GRB10: variants seen among roughly 807,000 people sequenced by gnomAD.
GRB10 encodes growth factor receptor bound protein 10, also known as growth factor receptor-bound protein 10.
In GRB10, 20 loss-of-function variants were observed where a neutral mutation model predicts 80.9. That is an observed-to-expected ratio of 0.25 (90% CI 0.17 to 0.36). The LOEUF (loss-of-function observed/expected upper bound fraction) is 0.36. GRB10 is among the 10% of genes least tolerant of loss of function. The pLI is 1.00. For synonymous variants in GRB10, 291 were observed against 291.5 expected, an observed-to-expected ratio of 1.00 and a Z score of 0.02; for missense variants, 548 against 747.7, an observed-to-expected ratio of 0.73 and a Z score of 3.12.
chr7:50,716,286 C>T (rs1001891162), intron 4 of GRB10, among the ~76,000 whole-genome samples: 1 of 152,150 alleles, frequency 6.6e-6, no homozygotes, highest in Non-Finnish European at 1.5e-5. Flanking sequence ...TGACTCTGGG[C>T]CCAGCTAACA....
At chr7:50,594,212 G>C (rs917623067) in intron 18 of GRB10, among the ~76,000 whole-genome samples, 1 of 152,268 alleles carries the variant, frequency 6.6e-6, no homozygotes, top group Non-Finnish European at 1.5e-5. Context: ...ACCCCAGTGC[G>C]GTGCAGGAAA....
upstream of GRB10, among the ~76,000 whole-genome samples, chr7:50,786,651 G>A (rs570563252): frequency 5.9e-5 from 9 of 152,312 alleles, no homozygotes; most frequent in African/African-American, 9.6e-5. Flanking sequence ...CAGACAAACC[G>A]TAAACTGTGA....
chr7:50,713,250 C>T (rs1035636964), intron 4 of GRB10, among the ~76,000 whole-genome samples: 1 of 152,086 alleles, frequency 6.6e-6, no homozygotes, highest in Non-Finnish European at 1.5e-5. Flanking sequence ...ATTTTTACTA[C>T]TGCCACTACT....
chr7:50,753,106 T>G (rs2074424105), intron 3 of GRB10, among the ~76,000 whole-genome samples: 1 of 152,174 alleles, frequency 6.6e-6, no homozygotes, highest in Non-Finnish European at 1.5e-5. Context: ...CCAAGTCTAG[T>G]GCCATGGCCC....
chr7:50,756,396 A>G (rs2075093811), intron 2 of GRB10, among the ~76,000 whole-genome samples: 1 of 152,216 alleles, frequency 6.6e-6, no homozygotes, highest in Non-Finnish European at 1.5e-5. Context: ...AAAGTTACCT[A>G]GAATTCACTT....
chr7:50,744,880 T>C (rs920958491), intron 3 of GRB10, among the ~76,000 whole-genome samples: 5 of 152,260 alleles, frequency 3.3e-5, no homozygotes, highest in Non-Finnish European at 5.9e-5. Flanking sequence ...GTTAATTCTA[T>C]GCAGTGATGA....
intron 17 of GRB10, among the ~76,000 whole-genome samples, chr7:50,599,154 G>A (rs1386678591): frequency 2.0e-5 from 3 of 151,918 alleles, no homozygotes; most frequent in Non-Finnish European, 4.4e-5. Context: ...GTATGTGCGC[G>A]CACACGCTCA....
At chr7:50,748,939 A>T (rs2073571130) in intron 3 of GRB10, among the ~76,000 whole-genome samples, 1 of 152,226 alleles carries the variant, frequency 6.6e-6, no homozygotes, top group African/African-American at 2.4e-5. Flanking sequence ...TACTTTATAA[A>T]GAGGTGCTAC....
intron 5 of GRB10, among the ~76,000 whole-genome samples, chr7:50,678,980 C>A (rs730652): frequency 0.43 from 65,531 of 152,068 alleles, 15,826 homozygotes; most frequent in Non-Finnish European, 0.54. Context: ...CATGGGGCTG[C>A]CCCACTGGGA....
intron 4 of GRB10, chr7:50,726,824 G>A (rs901627622): frequency 1.3e-5 from 2 of 152,150 alleles, no homozygotes; most frequent in African/African-American, 2.4e-5. Flanking sequence ...ATAATTCTGA[G>A]GAGGAGATTT....
chr7:50,716,256 A>T (rs892019798), intron 4 of GRB10, among the ~76,000 whole-genome samples: 1 of 152,206 alleles, frequency 6.6e-6, no homozygotes, highest in Non-Finnish European at 1.5e-5. Flanking sequence ...AGTGGGGGCA[A>T]ATTAGCCCCA....
At chr7:50,715,657 C>T (rs943211483) in intron 4 of GRB10, among the ~76,000 whole-genome samples, 1 of 152,200 alleles carries the variant, frequency 6.6e-6, no homozygotes, top group Non-Finnish European at 1.5e-5. Context: ...CATATGACGT[C>T]TAAACTTCTT....
intron 7 of GRB10, among the ~76,000 whole-genome samples, chr7:50,663,647 C>T (rs2059502903): frequency 1.3e-5 from 2 of 152,248 alleles, no homozygotes; most frequent in Non-Finnish European, 2.9e-5. Flanking sequence ...GCCCTTCTCT[C>T]ACAAGCAGCA....
chr7:50,730,595 A>C (rs1386703984), intron 4 of GRB10, among the ~76,000 whole-genome samples: 1 of 152,208 alleles, frequency 6.6e-6, no homozygotes, highest in African/African-American at 2.4e-5. Flanking sequence ...AGAAGCAATG[A>C]GTATTTCCTC....
chr7:50,606,449 G>A (rs768307853), intron 13 of GRB10, 35 bp from the exon 14 acceptor site: 20 of 1,547,668 alleles, frequency 1.3e-5, no homozygotes, highest in African/African-American at 6.8e-5. Flanking sequence ...TCACCGGCCC[G>A]GGAGCCCCGA....
intron 6 of GRB10, among the ~76,000 whole-genome samples, chr7:50,670,697 T>C (rs1026565905): frequency 1.3e-5 from 2 of 152,208 alleles, no homozygotes; most frequent in African/African-American, 4.8e-5. Flanking sequence ...ACCAAGTGTT[T>C]TTCAATGTCC....
chr7:50,766,121 T>C (rs2076316709), intron 2 of GRB10, among the ~76,000 whole-genome samples: 1 of 152,232 alleles, frequency 6.6e-6, no homozygotes, highest in Non-Finnish European at 1.5e-5. Flanking sequence ...AAATTACTCA[T>C]GCAACTTTAA....
At chr7:50,682,176 G>T (rs1029678889) in intron 5 of GRB10, among the ~76,000 whole-genome samples, 2 of 152,258 alleles carry the variant, frequency 1.3e-5, no homozygotes, top group African/African-American at 4.8e-5. Flanking sequence ...AGGGATCGTA[G>T]CTCACCTCAG....
intron 7 of GRB10, among the ~76,000 whole-genome samples, chr7:50,641,377 GA>G (rs2056229488): frequency 6.6e-6 from 1 of 152,086 alleles, no homozygotes; most frequent in Non-Finnish European, 1.5e-5. Flanking sequence ...ATTGCACCAA[GA>G]TGTCCCTATC....
Sources: allele counts gnomAD v4.1 joint callset (sites outside exome capture counted in the v4.1 genomes callset), GRCh38; gene constraint gnomAD v4.1.1; transcripts MANE v1.5; gene names NCBI Gene and HGNC (gene_info 2026-07-23, HGNC 2026-07-21).